Variants in ATP2B2 observed in about 807,000 individuals in gnomAD.
The protein encoded by ATP2B2 is plasma membrane calcium-transporting ATPase 2.
A neutral mutation model predicts 120.0 loss-of-function variants in ATP2B2; 15 were observed. The observed-to-expected ratio is 0.12, with a 90% CI of 0.08 to 0.19. ATP2B2 has a LOEUF of 0.19. Among genes scored for constraint, ATP2B2 ranks in the 10% least tolerant of loss-of-function variants. ATP2B2 has a pLI of 1.00. For missense variants in ATP2B2, 1,045 were observed against 1,719.8 expected (o/e 0.61, Z 6.94); for synonymous variants, 694 against 700.3 (o/e 0.99, Z 0.14).
chr3:10,348,470 G>A (rs1042157689), intron 16 of ATP2B2, among the ~76,000 whole-genome samples: 3 of 152,226 alleles, frequency 2.0e-5, no homozygotes, highest in African/African-American at 7.2e-5. Context: ...CGGGGTGCTC[G>A]TGGTGGGCAT....
upstream of ATP2B2, among the ~76,000 whole-genome samples, chr3:10,509,459 G>A (rs1379273477): frequency 6.6e-6 from 1 of 152,156 alleles, no homozygotes; most frequent in Non-Finnish European, 1.5e-5. Context: ...GACCCCCACA[G>A]ATCACCCTCA....
At chr3:10,363,530 G>A (rs1406993209) in intron 12 of ATP2B2, among the ~76,000 whole-genome samples, 3 of 152,180 alleles carry the variant, frequency 2.0e-5, no homozygotes, top group Non-Finnish European at 4.4e-5. Context: ...AATGCTGGGT[G>A]CAGCCATGGT....
chr3:10,486,091 A>G (rs7619994), intron 1 of ATP2B2, among the ~76,000 whole-genome samples: 57,234 of 152,138 alleles, frequency 0.38, 12,935 homozygotes, highest in Non-Finnish European at 0.52. Context: ...CCAGGTCAGC[A>G]TGCTTCCATC....
intron 3 of ATP2B2, among the ~76,000 whole-genome samples, chr3:10,521,872 CT>C (rs1310200467): frequency 1.3e-5 from 2 of 151,850 alleles, no homozygotes; most frequent in African/African-American, 4.8e-5. Context: ...TACAGCAACC[CT>C]GCTAGGGAGG....
intron 2 of ATP2B2, among the ~76,000 whole-genome samples, chr3:10,448,745 C>T (rs1019449168): frequency 2.6e-5 from 4 of 152,230 alleles, no homozygotes; most frequent in Non-Finnish European, 4.4e-5. Context: ...AGAGCCCCAG[C>T]GATCCCCAAC....
chr3:10,445,036 A>T (rs1168206826), intron 2 of ATP2B2, among the ~76,000 whole-genome samples: 1 of 152,166 alleles, frequency 6.6e-6, no homozygotes, highest in African/African-American at 2.4e-5. Flanking sequence ...ATGTCCTCTG[A>T]TGGCATGTTA....
chr3:10,508,499 A>T (rs2066693210), upstream of ATP2B2, among the ~76,000 whole-genome samples: 2 of 152,230 alleles, frequency 1.3e-5, no homozygotes. Context: ...TAAAGGCTTG[A>T]ATGAGTCTGC....
intron 2 of ATP2B2, among the ~76,000 whole-genome samples, chr3:10,591,749 A>G (rs942930169): frequency 6.6e-6 from 1 of 152,210 alleles, no homozygotes; most frequent in Admixed American, 6.5e-5. Context: ...GCACTTTATA[A>G]CACCAAATTG....
intron 2 of ATP2B2, chr3:10,566,395 C>T (rs1430939811): frequency 6.6e-6 from 1 of 152,136 alleles, no homozygotes; most frequent in Non-Finnish European, 1.5e-5. Flanking sequence ...TACTTTTTTT[C>T]TTTATCTTCC....
rs1553616036 is a variant in ATP2B2, at chr3:10,486,320, C to CGTGCGTGTGT, written c.-320+19135_-320+19144dup. Among the ~76,000 whole-genome samples, 9 of 115,894 alleles carry CGTGCGTGTGT rather than the reference C, an allele frequency of 7.8e-5. No homozygotes were observed. The East Asian group carries it at 9.0e-4, about 12-fold the overall frequency. The allele number at this position is 115,894 out of a possible 152,430, so 76.0% of individuals were successfully genotyped here. A position where few individuals can be genotyped will look rare whatever the true frequency, so the allele number is the denominator to read the frequency against. On this transcript the variant is annotated intron_variant, in intron 1 of 22. Transcript: ENST00000360273. ...TTCAAACAGCAGCCAGGTGTGTGTG[C>CGTGCGTGTGT]GTGCGTGTGTGTGTGTGTGTGTGTG...
chr3:10,388,515 G>T, intron 5 of ATP2B2, 113 bp from the exon 6 acceptor site: 1 of 1,473,820 alleles, frequency 6.8e-7, no homozygotes, highest in Non-Finnish European at 9.4e-7. Flanking sequence ...CAGAGGTCAT[G>T]GGGCATCACC....
chr3:10,548,565 C>G (rs2067600205), intron 2 of ATP2B2, among the ~76,000 whole-genome samples: 1 of 152,222 alleles, frequency 6.6e-6, no homozygotes, highest in South Asian at 2.1e-4. Flanking sequence ...TCCCTTCCCT[C>G]TCAGCTGGGA....
chr3:10,416,237 GGCTGCTTGCTGTCAGT>G (rs2062776848), intron 2 of ATP2B2, among the ~76,000 whole-genome samples: 1 of 152,132 alleles, frequency 6.6e-6, no homozygotes. Flanking sequence ...CTGCTGTCAC[GGCTGCTTGCTGTCAGT>G]GGGTATTTGA....
At chr3:10,331,083 AC>A (rs2125327060) in intron 22 of ATP2B2, among the ~76,000 whole-genome samples, 1 of 152,270 alleles carries the variant, frequency 6.6e-6, no homozygotes, top group Non-Finnish European at 1.5e-5. Context: ...ACTCCAGGGT[AC>A]CCCACTTGCT....
chr3:10,338,140 C>A, intron 22 of ATP2B2, 36 bp downstream of exon 22: 2 of 1,612,756 alleles, frequency 1.2e-6, no homozygotes, highest in South Asian at 2.2e-5. Context: ...CCCGCCCCGG[C>A]CAGGCCTGGG....
intron 2 of ATP2B2, among the ~76,000 whole-genome samples, chr3:10,617,940 T>C (rs1248534008): frequency 6.6e-6 from 1 of 151,996 alleles, no homozygotes; most frequent in East Asian, 1.9e-4. Context: ...TATCGCTGTG[T>C]TGACCCCACT....
At chr3:10,598,277 G>C (rs562348512) in intron 2 of ATP2B2, among the ~76,000 whole-genome samples, 8 of 152,274 alleles carry the variant, frequency 5.3e-5, no homozygotes, top group African/African-American at 1.9e-4. Flanking sequence ...CAGAGTCCCT[G>C]GGTTCAAATT....
intron 5 of ATP2B2, among the ~76,000 whole-genome samples, chr3:10,397,910 C>T (rs186395945): frequency 2.6e-5 from 4 of 152,310 alleles, no homozygotes; most frequent in Admixed American, 2.6e-4. Context: ...TCCAATTATA[C>T]TGCTTTCTAT....
intron 2 of ATP2B2, among the ~76,000 whole-genome samples, chr3:10,601,918 G>C (rs1182000079): frequency 1.3e-5 from 2 of 152,182 alleles, no homozygotes; most frequent in African/African-American, 4.8e-5. Context: ...TTTCCCCCCA[G>C]CTAAGCCTGC....
Sources: gnomAD v4.1 joint callset for allele counts (sites outside exome capture counted in the v4.1 genomes callset) on GRCh38, gnomAD v4.1.1 for gene constraint, MANE v1.5 for transcripts, NCBI Gene and HGNC (gene_info 2026-07-23, HGNC 2026-07-21) for gene names.